Variants in EYS observed in about 807,000 individuals in gnomAD.
EYS encodes protein eyes shut homolog.
In EYS, 250 loss-of-function variants were observed where a neutral mutation model predicts 282.1. That is an observed-to-expected ratio of 0.89 (90% CI 0.80 to 0.98). The LOEUF (loss-of-function observed/expected upper bound fraction) is 0.98. EYS is among the 50% of genes least tolerant of loss of function. EYS has a pLI of 0.00. For synonymous variants in EYS, 1,355 were observed against 1,282.9 expected, an observed-to-expected ratio of 1.06 and a Z score of -1.20; for missense variants, 4,016 against 3,709.0, an observed-to-expected ratio of 1.08 and a Z score of -2.15.
At chr6:65,362,191 C>T (rs1764736120) in intron 8 of EYS, among the ~76,000 whole-genome samples, 1 of 152,112 alleles carries the variant, frequency 6.6e-6, no homozygotes, top group Admixed American at 6.6e-5. Context: ...TTCAAGATCA[C>T]TTCTTTATTC....
chr6:64,131,366 T>G (rs550304847), intron 31 of EYS, among the ~76,000 whole-genome samples: 1 of 152,062 alleles, frequency 6.6e-6, no homozygotes, highest in African/African-American at 2.4e-5. Flanking sequence ...ATACATAGTT[T>G]ACAAAGAAAA....
intron 12 of EYS, among the ~76,000 whole-genome samples, chr6:65,071,986 T>G (rs1263665759): frequency 9.2e-5 from 14 of 151,786 alleles, no homozygotes. Context: ...CTTTCCAGCC[T>G]CCAGACTATA....
At chr6:65,405,482 T>G (rs1766698428) in intron 5 of EYS, 115 bp from the exon 6 acceptor site, 2 of 842,600 alleles carry the variant, frequency 2.4e-6, no homozygotes, top group Non-Finnish European at 3.8e-6. Context: ...TGAAATATTT[T>G]TATTTAACAA....
At chr6:64,803,986 T>C (rs909389970) in intron 22 of EYS, among the ~76,000 whole-genome samples, 1 of 152,120 alleles carries the variant, frequency 6.6e-6, no homozygotes, top group Non-Finnish European at 1.5e-5. Context: ...AGGGTAGGGC[T>C]CTCACCCAAC....
intron 12 of EYS, among the ~76,000 whole-genome samples, chr6:65,132,366 A>G (rs1201824933): frequency 6.6e-6 from 1 of 152,070 alleles, no homozygotes. Flanking sequence ...ATCCATCATA[A>G]TCAAGTAGGC....
At chr6:64,937,402 G>A (rs1768944886) in intron 15 of EYS, among the ~76,000 whole-genome samples, 1 of 151,440 alleles carries the variant, frequency 6.6e-6, no homozygotes, top group African/African-American at 2.4e-5. Context: ...TTTGATAATT[G>A]GCTTGTATCC....
intron 35 of EYS, among the ~76,000 whole-genome samples, chr6:63,944,342 G>A (rs1765329586): frequency 6.6e-6 from 1 of 152,168 alleles, no homozygotes; most frequent in Non-Finnish European, 1.5e-5. Context: ...TTGCCTTAAT[G>A]TATCTCAAAC....
At chr6:64,247,415 T>TA (rs1330594646) in intron 30 of EYS, among the ~76,000 whole-genome samples, 1 of 152,162 alleles carries the variant, frequency 6.6e-6, no homozygotes, top group South Asian at 2.1e-4. Flanking sequence ...AGGACTCCTT[T>TA]AAAAAATCTA....
chr6:64,752,366 G>T (rs1772786063), intron 22 of EYS, among the ~76,000 whole-genome samples: 1 of 151,924 alleles, frequency 6.6e-6, no homozygotes, highest in Non-Finnish European at 1.5e-5. Flanking sequence ...ACAAAATATA[G>T]TTGAAAGCCT....
chr6:65,666,985 C>A (rs1200471171), intron 1 of EYS, among the ~76,000 whole-genome samples: 1 of 150,478 alleles, frequency 6.6e-6, no homozygotes, highest in Non-Finnish European at 1.5e-5. Context: ...GAATTGTTAA[C>A]TTAAATTCCA....
intron 35 of EYS, among the ~76,000 whole-genome samples, chr6:63,975,998 A>C (rs1046273907): frequency 6.6e-6 from 1 of 152,058 alleles, no homozygotes; most frequent in Non-Finnish European, 1.5e-5. Flanking sequence ...AGATCTGTAC[A>C]GCATGTAGTA....
chr6:65,625,541 G>A (rs1766659984), intron 2 of EYS, among the ~76,000 whole-genome samples: 1 of 152,192 alleles, frequency 6.6e-6, no homozygotes, highest in East Asian at 1.9e-4. Flanking sequence ...CAAAAGGAAA[G>A]TTCTGGTGTG....
intron 35 of EYS, among the ~76,000 whole-genome samples, chr6:63,956,058 G>C (rs1166920698): frequency 6.6e-6 from 1 of 152,072 alleles, no homozygotes; most frequent in Non-Finnish European, 1.5e-5. Context: ...GCAGCCTTGA[G>C]AAACATTGCC....
At chr6:64,569,026 G>GAAA (rs4034162) in intron 26 of EYS, among the ~76,000 whole-genome samples, 3,015 of 101,692 alleles carry the variant, frequency 0.03, 133 homozygotes, top group African/African-American at 0.076. Context: ...AGATGGAAAA[G>GAAA]AAAAAAAAAA....
chr6:63,938,903 A>G (rs1765151032), intron 35 of EYS, among the ~76,000 whole-genome samples: 1 of 152,308 alleles, frequency 6.6e-6, no homozygotes, highest in African/African-American at 2.4e-5. Context: ...TCAGGAGCAC[A>G]AAAGTGAACT....
At chr6:63,954,957 A>G (rs916778518) in intron 35 of EYS, among the ~76,000 whole-genome samples, 3 of 152,116 alleles carry the variant, frequency 2.0e-5, no homozygotes, top group African/African-American at 7.2e-5. Flanking sequence ...ACTACTCCTC[A>G]GGGATTGTTC....
chr6:64,932,371 C>T (rs972365277), intron 15 of EYS, among the ~76,000 whole-genome samples: 1 of 152,018 alleles, frequency 6.6e-6, no homozygotes, highest in Non-Finnish European at 1.5e-5. Flanking sequence ...ACTAAAAATT[C>T]ACTCTTATAA....
At chr6:64,212,233 A>G (rs1765802444) in intron 31 of EYS, among the ~76,000 whole-genome samples, 1 of 152,124 alleles carries the variant, frequency 6.6e-6, no homozygotes, top group African/African-American at 2.4e-5. Context: ...CTGGAAGTAT[A>G]TAATTACAAA....
chr6:64,904,190 G>T (rs1437267280), intron 16 of EYS, among the ~76,000 whole-genome samples: 2 of 152,150 alleles, frequency 1.3e-5, no homozygotes, highest in Non-Finnish European at 1.5e-5. Flanking sequence ...TAAGTAAGCT[G>T]CCATACTTAT....
Sources: gnomAD v4.1 joint callset for allele counts (sites outside exome capture counted in the v4.1 genomes callset) on GRCh38, gnomAD v4.1.1 for gene constraint, MANE v1.5 for transcripts, NCBI Gene and HGNC (gene_info 2026-07-23, HGNC 2026-07-21) for gene names.